Variants in TMEM165 observed in about 807,000 individuals in gnomAD.
TMEM165 encodes the protein putative divalent cation/proton antiporter TMEM165.
A neutral mutation model predicts 30.0 loss-of-function variants in TMEM165; 19 were observed. The observed-to-expected ratio is 0.63, with a 90% CI of 0.44 to 0.93. The LOEUF (loss-of-function observed/expected upper bound fraction) is 0.93, where lower values mean the gene tolerates loss of function less well. Ranked by LOEUF, TMEM165 falls within the 40% of genes least tolerant of loss-of-function variation. The probability of loss-of-function intolerance (pLI) is 0.00; values close to 1 mark genes in which losing one functional copy is unlikely to be tolerated. For missense variants in TMEM165, 340 were observed against 417.0 expected (o/e 0.82, Z 1.61); for synonymous variants, 168 against 162.9 (o/e 1.03, Z -0.24).
At chr4:55,438,382 G>A (rs538817792) in intron 3 of TMEM165, 48 of 1,613,432 alleles carry the variant, frequency 3.0e-5, no homozygotes, top group Non-Finnish European at 3.6e-5. Context: ...CTGCTGCTGC[G>A]TTACTGACAA....
intron 2 of TMEM165, among the ~76,000 whole-genome samples, chr4:55,413,062 C>T (rs1721580595): frequency 6.6e-6 from 1 of 151,684 alleles, no homozygotes; most frequent in Admixed American, 6.6e-5. Context: ...TCACTGAGAC[C>T]TGGAACTCCT....
rs1720711964 is a variant in TMEM165 at position 55,396,180 on chromosome 4, G to C, written c.-10G>C. 8.7e-6 allele frequency: 12 copies of C among 1,382,880 alleles called. No individual in the cohort carries two copies. Among genetic ancestry groups the C allele is most frequent in the Non-Finnish European group, 1.1e-5 (12 of 1,078,162 alleles). The allele number at this position is 1,382,880 out of a possible 1,614,324, so 85.7% of individuals were successfully genotyped here. A position where few individuals can be genotyped will look rare whatever the true frequency, so the allele number is the denominator to read the frequency against. ...TGCGGCGCCCGTGCGCGGCCGGCCC[G>C]GCAGGCGGGATGGCGGCCGCGGCTC... On this transcript the variant is annotated 5_prime_UTR_variant, in exon 1 of 6. Coordinates refer to ENST00000381334, the MANE Select transcript of TMEM165 (RefSeq NM_018475.5).
chr4:55,446,796 C>T (rs1723888333), intron 3 of TMEM165, among the ~76,000 whole-genome samples: 1 of 152,100 alleles, frequency 6.6e-6, no homozygotes, highest in African/African-American at 2.4e-5. Flanking sequence ...GAAAGAGTTT[C>T]ACTTTATTGG....
intron 1 of TMEM165, among the ~76,000 whole-genome samples, chr4:55,410,558 G>A (rs982682553): frequency 6.6e-6 from 1 of 152,078 alleles, no homozygotes; most frequent in Non-Finnish European, 1.5e-5. Flanking sequence ...ATAGGCTTCC[G>A]CCACCATGCC....
In TMEM165 at chr4:55,453,259, C is replaced by A. The variant is rs138189462; in HGVS notation, c.*953C>A. ...GACTATTTGCTATGTGCTACACAAACCTAAAATATACCTATAATGTCTTAA... is the reference window on the plus strand; with the variant it reads ...GACTATTTGCTATGTGCTACACAAAACTAAAATATACCTATAATGTCTTAA... On this transcript the variant is annotated 3_prime_UTR_variant, in exon 4 of 4. Coordinates refer to the TMEM165 transcript ENST00000608091. 4.0e-4 allele frequency: 298 copies of A among 739,412 alleles called. 2 individuals carry two copies. The African/African-American group carries it at 4.7e-3, about 12-fold the overall frequency. 45.8% of individuals were successfully genotyped at this position (739,412 alleles called of 1,614,324 possible). A position where few individuals can be genotyped will look rare whatever the true frequency, so the allele number is the denominator to read the frequency against.
intron 3 of TMEM165, chr4:55,435,670 CCT>C: frequency 1.4e-6 from 2 of 1,452,012 alleles, no homozygotes; most frequent in Non-Finnish European, 1.9e-6. Flanking sequence ...CACACTCTCC[CCT>C]GTCCATAGGG....
chr4:55,449,002 T>TAACAA, intron 3 of TMEM165: 2 of 729,482 alleles, frequency 2.7e-6, no homozygotes, highest in Non-Finnish European at 4.7e-6. Context: ...TGAATACAGC[T>TAACAA]ATGTCTTCTC....
intron 1 of TMEM165, among the ~76,000 whole-genome samples, chr4:55,404,167 A>G (rs1236758984): frequency 1.4e-5 from 2 of 146,682 alleles, no homozygotes; most frequent in Non-Finnish European, 3.0e-5. Context: ...GTGCGCCACC[A>G]CGCCTGGCTA....
chr4:55,436,892 CTTTT>C (rs35888413), intron 3 of TMEM165, among the ~76,000 whole-genome samples: 6 of 98,356 alleles, frequency 6.1e-5, no homozygotes, highest in African/African-American at 1.5e-4. Flanking sequence ...TTTGGGATGC[CTTTT>C]TTTTTTTTTT....
intron 4 of TMEM165, chr4:55,424,194 C>T (rs1052156409): frequency 1.5e-5 from 3 of 206,296 alleles, no homozygotes; most frequent in African/African-American, 7.0e-5. Context: ...AGATGTCTAG[C>T]TTAAAATCCT....
chr4:55,415,468 G>A (rs142036836), intron 2 of TMEM165: 38 of 152,170 alleles, frequency 2.5e-4, no homozygotes, highest in African/African-American at 8.4e-4. Context: ...CCATTTCTCG[G>A]CGGAGCTTTG....
chr4:55,426,696 C>T (rs1722215853), downstream of TMEM165, among the ~76,000 whole-genome samples: 1 of 152,172 alleles, frequency 6.6e-6, no homozygotes, highest in Admixed American at 6.5e-5. Flanking sequence ...TTATGAGCTA[C>T]TACAAAGGTC....
At chr4:55,441,580 G>A (rs1723371343) in intron 3 of TMEM165, among the ~76,000 whole-genome samples, 1 of 152,176 alleles carries the variant, frequency 6.6e-6, no homozygotes. Context: ...GCATTTTGCA[G>A]CAACTTGGAT....
At chr4:55,442,728 T>C in intron 3 of TMEM165, 2 of 1,116,902 alleles carry the variant, frequency 1.8e-6, no homozygotes, top group Non-Finnish European at 2.6e-6. Context: ...TATGACAATA[T>C]GACAGAGAAA....
At chr4:55,448,001 T>C (rs1357491850) in intron 3 of TMEM165, among the ~76,000 whole-genome samples, 2 of 152,182 alleles carry the variant, frequency 1.3e-5, no homozygotes, top group African/African-American at 4.8e-5. Flanking sequence ...CTCCCCCTTT[T>C]TTTTGGCTAC....
chr4:55,425,489 G>A lies in TMEM165; in HGVS notation c.*37G>A, dbSNP rs1048857274. 4 of 1,480,192 alleles carry A rather than the reference G, an allele frequency of 2.7e-6. No individual in the cohort carries two copies. In the Admixed American group the frequency reaches 6.8e-5, roughly 25 times the overall value. The allele number at this position is 1,480,192 out of a possible 1,614,324, so 91.7% of individuals were successfully genotyped here. A position where few individuals can be genotyped will look rare whatever the true frequency, so the allele number is the denominator to read the frequency against. On this transcript the variant is annotated 3_prime_UTR_variant, in exon 6 of 6. Coordinates refer to ENST00000381334, the MANE Select transcript of TMEM165 (RefSeq NM_018475.5). ...TTCATCTATATTTAGTTTAAAATAGGTAGTATTATCTTTCTGTACATAGTG... is the reference window on the plus strand; with the variant it reads ...TTCATCTATATTTAGTTTAAAATAGATAGTATTATCTTTCTGTACATAGTG...
At chr4:55,400,463 T>G (rs1720952297) in intron 1 of TMEM165, among the ~76,000 whole-genome samples, 1 of 141,878 alleles carries the variant, frequency 7.0e-6, no homozygotes, top group Non-Finnish European at 1.5e-5. Context: ...TATATTTTTT[T>G]GTCTCACTCT....
chr4:55,438,581 G>T, intron 3 of TMEM165: 1 of 1,611,672 alleles, frequency 6.2e-7, no homozygotes, highest in Non-Finnish European at 8.5e-7. Context: ...CAAAGTACAA[G>T]GTATACATCA....
Position 55,411,901 on chromosome 4 carries a change from TG to T in TMEM165, c.433+64del. 4.0e-6 allele frequency: 6 copies of T among 1,490,478 alleles called. No homozygotes were observed. The South Asian group carries it at 6.9e-5, about 17-fold the overall frequency. 92.3% of individuals were successfully genotyped at this position (1,490,478 alleles called of 1,614,324 possible). On this transcript the variant is annotated intron_variant, in intron 2 of 5. Transcript: ENST00000381334. ...TAAAGGGAAAGCGTGTTGTGTGACATGGAGTCACTGAGTCATTAACCTAGTC... is the reference window on the plus strand; with the variant it reads ...TAAAGGGAAAGCGTGTTGTGTGACATGAGTCACTGAGTCATTAACCTAGTC...
Sources: allele counts gnomAD v4.1 joint callset (sites outside exome capture counted in the v4.1 genomes callset), GRCh38; gene constraint gnomAD v4.1.1; transcripts MANE v1.5; gene names NCBI Gene and HGNC (gene_info 2026-07-23, HGNC 2026-07-21).